Variants in MCTP1 observed in about 807,000 individuals in gnomAD.
The protein encoded by MCTP1 is multiple C2 and transmembrane domain-containing protein 1.
Under a neutral mutation model 120.6 loss-of-function variants are expected in MCTP1, and 69 were observed. That is an observed-to-expected ratio of 0.57 (90% CI 0.47 to 0.70). MCTP1 has a LOEUF of 0.70. MCTP1 is among the 30% of genes least tolerant of loss of function. The pLI, the probability that MCTP1 is intolerant of heterozygous loss-of-function variation, is 0.00. For synonymous variants in MCTP1, 529 were observed against 493.1 expected (o/e 1.07, Z -0.96); for missense variants, 1,203 against 1,248.8 (o/e 0.96, Z 0.55).
At chr5:94,890,692 T>C (rs563858370) in intron 11 of MCTP1, among the ~76,000 whole-genome samples, 93 of 152,170 alleles carry the variant, frequency 6.1e-4, no homozygotes, top group Non-Finnish European at 1.2e-3. Context: ...AAATTAATAA[T>C]GGTGGTGTTT....
chr5:94,797,317 C>G (rs141871207), intron 18 of MCTP1, among the ~76,000 whole-genome samples: 28 of 152,110 alleles, frequency 1.8e-4, no homozygotes, highest in African/African-American at 6.5e-4. Flanking sequence ...GAAGGTAAAA[C>G]TAAATTACCA....
At chr5:94,930,138 G>A (rs999772387) in intron 6 of MCTP1, among the ~76,000 whole-genome samples, 1 of 151,334 alleles carries the variant, frequency 6.6e-6, no homozygotes, top group Non-Finnish European at 1.5e-5. Context: ...AACAGTAGAG[G>A]ATAGATGTTT....
chr5:95,068,307 G>C (rs184033321), intron 1 of MCTP1, among the ~76,000 whole-genome samples: 8 of 152,140 alleles, frequency 5.3e-5, no homozygotes, highest in Non-Finnish European at 8.8e-5. Flanking sequence ...AGAGAGAAGA[G>C]AGGAGACAGA....
intron 1 of MCTP1, among the ~76,000 whole-genome samples, chr5:95,133,703 T>C (rs1377557010): frequency 6.6e-6 from 1 of 152,212 alleles, no homozygotes; most frequent in South Asian, 2.1e-4. Context: ...AAACATTGTA[T>C]GAATGTAGCC....
rs954366792 is a variant in MCTP1, at chr5:94,947,326, T to A, written c.982-4899A>T. ...TACCCTTTCCTATTGCAGTTCACTG[T>A]CCGTGCCTAATTATGCTCTGAATTA... On this transcript the variant is annotated intron_variant, in intron 3 of 22. Coordinates refer to ENST00000515393, the MANE Select transcript of MCTP1 (RefSeq NM_024717.7). Among the ~76,000 whole-genome samples the A allele has an allele frequency of 5.3e-5, 8 of 152,052 alleles. No individual in the cohort carries two copies. In the South Asian group the frequency reaches 1.7e-3, roughly 32 times the overall value.
At chr5:95,279,749 T>A (rs185780679) in intron 1 of MCTP1, among the ~76,000 whole-genome samples, 1 of 152,358 alleles carries the variant, frequency 6.6e-6, no homozygotes, top group Admixed American at 6.5e-5. Context: ...AAATATGTCA[T>A]CCTCTTTACT....
chr5:94,876,819 A>G (rs1434900018), intron 12 of MCTP1, among the ~76,000 whole-genome samples: 1 of 152,036 alleles, frequency 6.6e-6, no homozygotes, highest in Non-Finnish European at 1.5e-5. Flanking sequence ...CCTTGAGGAC[A>G]CGGCAATTTT....
chr5:94,870,620 T>A (rs904465440), intron 15 of MCTP1, 129 bp from the exon 16 acceptor site: 1 of 739,306 alleles, frequency 1.4e-6, no homozygotes, highest in Non-Finnish European at 2.3e-6. Flanking sequence ...AAAATATAAA[T>A]GTATACAGTT....
In MCTP1 at chr5:95,024,413, T is replaced by C. The variant is rs1354364899; in HGVS notation, c.721-6929A>G. On this transcript the variant is annotated intron_variant, in intron 1 of 22. Transcript: ENST00000515393. ...AGCATTTGACAAAATTCAACATTCT[T>C]TTGTGATAAAAGCTCTCAACAAATT... Among the ~76,000 whole-genome samples, 3 of 152,262 alleles carry C rather than the reference T, an allele frequency of 2.0e-5. No homozygotes were observed. In the East Asian group the frequency reaches 5.8e-4, roughly 29 times the overall value.
intron 1 of MCTP1, among the ~76,000 whole-genome samples, chr5:95,089,992 T>A (rs1354674762): frequency 6.6e-6 from 1 of 152,140 alleles, no homozygotes; most frequent in Non-Finnish European, 1.5e-5. Context: ...CTCAGGCCTC[T>A]CCCCAGGGCC....
Position 94,777,059 on chromosome 5 carries a change from G to A in MCTP1, c.2610+2051C>T, listed in dbSNP as rs1269896658. Among the ~76,000 whole-genome samples, 3 of 152,054 alleles carry A rather than the reference G, an allele frequency of 2.0e-5. No individual in the cohort carries two copies. In the South Asian group the frequency reaches 6.2e-4, roughly 32 times the overall value. On this transcript the variant is annotated intron_variant, in intron 19 of 22. Transcript: ENST00000515393. ...TATCAATTGCATTATGAGTAAAAAA[G>A]AAAAACCTCCTTTTTTATCGCTCAA...
chr5:94,947,480 TC>T lies in MCTP1; in HGVS notation c.982-5054del, dbSNP rs1819243522. Among the ~76,000 whole-genome samples the T allele has an allele frequency of 2.7e-5, 4 of 149,776 alleles. No homozygotes were observed. The South Asian group carries it at 8.4e-4, about 32-fold the overall frequency. On this transcript the variant is annotated intron_variant, in intron 3 of 22. Coordinates refer to ENST00000515393, the MANE Select transcript of MCTP1 (RefSeq NM_024717.7). The stretch of plus-strand genomic sequence containing the variant: ...TAATATACTTATAATATCTCATTTT[TC>T]TATTTCCCACAGAATATATGATAGT...
intron 5 of MCTP1, among the ~76,000 whole-genome samples, chr5:94,938,594 C>T (rs1032766773): frequency 6.6e-5 from 10 of 152,022 alleles, no homozygotes; most frequent in African/African-American, 2.4e-4. Flanking sequence ...GCAATATGTA[C>T]CTCTTTTTCA....
At chr5:95,216,079 ATAT>A (rs1753002326) in intron 1 of MCTP1, among the ~76,000 whole-genome samples, 1 of 152,230 alleles carries the variant, frequency 6.6e-6, no homozygotes, top group South Asian at 2.1e-4. Context: ...TTTGTTAAAC[ATAT>A]TATAAATAAA....
chr5:94,908,801 GA>G (rs566979597), intron 10 of MCTP1, among the ~76,000 whole-genome samples: 2 of 152,072 alleles, frequency 1.3e-5, no homozygotes, highest in South Asian at 4.2e-4. Context: ...TAATACTTGG[GA>G]ACTCTTTACA....
At chr5:94,951,880 C>T (rs528132286) in intron 3 of MCTP1, among the ~76,000 whole-genome samples, 6 of 152,060 alleles carry the variant, frequency 3.9e-5, no homozygotes, top group Admixed American at 2.0e-4. Flanking sequence ...AGTTCAAAAA[C>T]GCTATTTAAG....
intron 2 of MCTP1, among the ~76,000 whole-genome samples, chr5:95,007,075 G>A (rs1430447367): frequency 6.6e-6 from 1 of 152,158 alleles, no homozygotes; most frequent in Admixed American, 6.6e-5. Context: ...GGAAGGGGAA[G>A]CAAACACCTC....
intron 9 of MCTP1, among the ~76,000 whole-genome samples, chr5:94,911,750 C>A (rs1476024663): frequency 2.0e-5 from 3 of 151,990 alleles, no homozygotes; most frequent in African/African-American, 4.8e-5. Context: ...GACTACTAGA[C>A]CCTTATTCAT....
chr5:95,284,457 C>G lies in MCTP1; in HGVS notation c.119G>C (p.Gly40Ala), dbSNP rs757938420. 2 of 1,512,652 alleles carry G rather than the reference C, an allele frequency of 1.3e-6. No homozygotes were observed. Among genetic ancestry groups the G allele is most frequent in the Non-Finnish European group, 1.8e-6 (2 of 1,138,320 alleles). The allele number at this position is 1,512,652 out of a possible 1,614,324, so 93.7% of individuals were successfully genotyped here. The stretch of plus-strand genomic sequence containing the variant: ...GCGCTCTGGACCCCCAGCGCGCCCG[C>G]CCCCGCCGCCCTTGCTCCTGCCCAC... ...LGVGRSKGGG[G>A]GRAGGPERRT... is the part of the protein sequence containing the mutation. The change falls in exon 1 of 23, where the codon GGC becomes GCC. Residue 40 changes from glycine (G) to alanine (A), a missense_variant. This residue lies in a region of MCTP1 where 463 missense variants were observed against 377.8 expected (regional missense o/e 1.23). Transcript: ENST00000515393. This position sits in a 1 kb window ranked among gnomAD's most constrained non-coding sequence, Gnocchi z 5.2.
Sources: allele counts gnomAD v4.1 joint callset (sites outside exome capture counted in the v4.1 genomes callset), GRCh38; gene constraint gnomAD v4.1.1; regional missense constraint gnomAD v4.1.1; non-coding constraint Gnocchi (gnomAD v3.1); transcripts MANE v1.5; gene names NCBI Gene and HGNC (gene_info 2026-07-23, HGNC 2026-07-21).